Variants in GALNT9 observed in about 807,000 individuals in gnomAD.
GALNT9 encodes GalNAc transferase 9.
Under a neutral mutation model 63.1 loss-of-function variants are expected in GALNT9, and 47 were observed. The observed-to-expected ratio is 0.75, with a 90% CI of 0.59 to 0.95. GALNT9 has a LOEUF of 0.95. Ranked by LOEUF, GALNT9 falls within the 40% of genes least tolerant of loss-of-function variation. GALNT9 has a pLI of 0.00. For synonymous variants in GALNT9, 396 were observed against 365.7 expected, an observed-to-expected ratio of 1.08 and a Z score of -0.94; for missense variants, 829 against 874.8, an observed-to-expected ratio of 0.95 and a Z score of 0.66.
At chr12:132,243,392 GCT>G (rs74276185) in intron 6 of GALNT9, among the ~76,000 whole-genome samples, 1 of 123,384 alleles carries the variant, frequency 8.1e-6, no homozygotes, top group Admixed American at 8.4e-5. Context: ...GTCCTCCGGA[GCT>G]CTCTCTGGTG....
intron 1 of GALNT9, among the ~76,000 whole-genome samples, chr12:132,322,506 G>A (rs541455765): frequency 1.8e-4 from 27 of 152,338 alleles, no homozygotes; most frequent in East Asian, 3.9e-4. Flanking sequence ...CAGCATCCCC[G>A]TCCGTGACTC....
chr12:132,324,415 C>T (rs1206577498), intron 1 of GALNT9, among the ~76,000 whole-genome samples: 12 of 152,162 alleles, frequency 7.9e-5, no homozygotes, highest in Non-Finnish European at 1.5e-4. Flanking sequence ...GCGGGACTGA[C>T]GGGGCACGTG....
chr12:132,240,698 T>G (rs2136899235), intron 6 of GALNT9: 1 of 455,952 alleles, frequency 2.2e-6, no homozygotes, highest in South Asian at 1.5e-5. Context: ...TGTTTATAAT[T>G]TACCTTATCT....
rs147120844 is a variant in GALNT9, at chr12:132,324,445, G to A, written c.238+4521C>T. The stretch of plus-strand genomic sequence containing the variant: ...CACGTGCTTTGTGCCGCGCGTGCAA[G>A]AGACGCTGTCCTCGTACGGCTGACC... On this transcript the variant is annotated intron_variant, in intron 1 of 10. Transcript: ENST00000328957. Among the ~76,000 whole-genome samples, 663 of 152,354 alleles carry A rather than the reference G, an allele frequency of 4.4e-3. 5 individuals carry two copies. The highest frequency in any genetic ancestry group is 0.014 in the African/African-American group (598 of 41,592).
chr12:132,223,146 CCACA>C (rs1877536837), intron 6 of GALNT9, among the ~76,000 whole-genome samples: 1 of 23,262 alleles, frequency 4.3e-5, no homozygotes, highest in Non-Finnish European at 1.3e-4. Flanking sequence ...CACACACACA[CCACA>C]CAACCCACAC....
rs1555241736 is a variant in GALNT9, at chr12:132,282,266, A to T, written c.419+3984T>A. Among the ~76,000 whole-genome samples, 1 of 152,114 alleles carries T rather than the reference A, an allele frequency of 6.6e-6. No individual in the cohort carries two copies. Among genetic ancestry groups the T allele is most frequent in the East Asian group, 1.9e-4 (1 of 5,156 alleles). ...GGGTCCCACATCCCACAGAGGGGGA[A>T]TCAGCTCCACTACAGCAAGGCCAGG... On this transcript the variant is annotated intron_variant, in intron 2 of 10. Transcript: ENST00000328957. This position sits in a 1 kb window ranked among gnomAD's most constrained non-coding sequence, Gnocchi z 4.5.
chr12:132,307,546 G>A (rs1216098883), intron 1 of GALNT9, among the ~76,000 whole-genome samples: 2 of 151,964 alleles, frequency 1.3e-5, no homozygotes, highest in African/African-American at 4.8e-5. Flanking sequence ...TTATAAGAGA[G>A]AAGCGGGCCG....
chr12:132,278,052 C>G (rs1480099008), intron 2 of GALNT9: 1 of 150,376 alleles, frequency 6.6e-6, no homozygotes, highest in Non-Finnish European at 1.5e-5. Context: ...CTCCTCCTCC[C>G]CATTCTAACC....
intron 6 of GALNT9, among the ~76,000 whole-genome samples, chr12:132,218,726 T>A (rs1314725359): frequency 6.6e-6 from 1 of 152,168 alleles, no homozygotes; most frequent in Non-Finnish European, 1.5e-5. Flanking sequence ...TTCATCAATG[T>A]CCAACAGGAA....
chr12:132,272,072 G>A (rs1555240782), intron 2 of GALNT9, among the ~76,000 whole-genome samples: 1 of 152,160 alleles, frequency 6.6e-6, no homozygotes, highest in African/African-American at 2.4e-5. Flanking sequence ...ATGCCGTCAC[G>A]CCCCGCCCGG....
chr12:132,285,694 C>T (rs1412102805), intron 2 of GALNT9, among the ~76,000 whole-genome samples: 1 of 152,246 alleles, frequency 6.6e-6, no homozygotes, highest in Admixed American at 6.5e-5. Flanking sequence ...CACAGGGCGC[C>T]TCTGCTGCGT....
chr12:132,240,297 C>T (rs1262073065), intron 6 of GALNT9, among the ~76,000 whole-genome samples: 1 of 152,314 alleles, frequency 6.6e-6, no homozygotes, highest in African/African-American at 2.4e-5. Context: ...GTGCCCCTCC[C>T]TGTAGCCCCG....
intron 1 of GALNT9, among the ~76,000 whole-genome samples, chr12:132,317,531 C>T (rs1371406480): frequency 1.3e-5 from 2 of 152,264 alleles, no homozygotes; most frequent in Non-Finnish European, 2.9e-5. Flanking sequence ...CACCTGCGAA[C>T]AGCACAATTG....
At chr12:132,201,837 C>T (rs954853182) in intron 7 of GALNT9, among the ~76,000 whole-genome samples, 44 of 152,332 alleles carry the variant, frequency 2.9e-4, no homozygotes, top group Admixed American at 2.5e-3. Context: ...GACTTTGACC[C>T]GTGTCCTCTG....
intron 1 of GALNT9, among the ~76,000 whole-genome samples, chr12:132,291,566 C>A (rs1880849154): frequency 6.6e-6 from 1 of 151,034 alleles, no homozygotes; most frequent in Admixed American, 6.6e-5. Flanking sequence ...GCACCCACAA[C>A]CACAGCGCCC....
chr12:132,284,121 A>ACC (rs1489430691), intron 2 of GALNT9: 1 of 151,176 alleles, frequency 6.6e-6, no homozygotes, highest in Non-Finnish European at 1.5e-5. Flanking sequence ...ACATATGCAC[A>ACC]CACGCACATG....
At chr12:132,302,533 G>A (rs1391598273) in intron 1 of GALNT9, among the ~76,000 whole-genome samples, 3 of 152,188 alleles carry the variant, frequency 2.0e-5, no homozygotes, top group African/African-American at 7.2e-5. Flanking sequence ...CAAAACTCAC[G>A]GAGCGTCTGC....
intron 2 of GALNT9, 50 bp from the exon 3 acceptor site, chr12:132,262,675 C>A: frequency 6.9e-7 from 1 of 1,454,190 alleles, no homozygotes; most frequent in East Asian, 2.6e-5. Flanking sequence ...ATGAGGGACC[C>A]CGGAAGCCAT....
intron 1 of GALNT9, among the ~76,000 whole-genome samples, chr12:132,290,228 G>C (rs1413687370): frequency 6.6e-6 from 1 of 152,096 alleles, no homozygotes; most frequent in Non-Finnish European, 1.5e-5. Flanking sequence ...TGCAGAGCCA[G>C]GTGCCTGCCC....
Sources: allele counts gnomAD v4.1 joint callset (sites outside exome capture counted in the v4.1 genomes callset), GRCh38; gene constraint gnomAD v4.1.1; non-coding constraint Gnocchi (gnomAD v3.1); transcripts MANE v1.5; gene names NCBI Gene and HGNC (gene_info 2026-07-23, HGNC 2026-07-21).